COL19A1: variants seen among roughly 807,000 people sequenced by gnomAD.
COL19A1 encodes the protein collagen alpha-1(XIX) chain.
COL19A1 carries 159 observed loss-of-function variants against 190.2 expected under a neutral mutation model. The observed-to-expected ratio is 0.84, with a 90% CI of 0.73 to 0.95. The LOEUF (loss-of-function observed/expected upper bound fraction) is 0.95. Ranked by LOEUF, COL19A1 falls within the 40% of genes least tolerant of loss-of-function variation. COL19A1 has a pLI of 0.00. For synonymous variants in COL19A1, 509 were observed against 458.9 expected (o/e 1.11, Z -1.39); for missense variants, 1,418 against 1,431.9 (o/e 0.99, Z 0.16).
intron 11 of COL19A1, among the ~76,000 whole-genome samples, chr6:69,997,026 T>TAG (rs1554186399): frequency 0.034 from 4,964 of 146,932 alleles, 112 homozygotes; most frequent in South Asian, 0.05. Context: ...TATATATATA[T>TAG]AGAGAGAGAG....
At chr6:69,907,609 C>T (rs1770648953) in intron 4 of COL19A1, among the ~76,000 whole-genome samples, 1 of 152,024 alleles carries the variant, frequency 6.6e-6, no homozygotes, top group South Asian at 2.1e-4. Context: ...GCATATTTTC[C>T]AATATCTTCT....
intron 9 of COL19A1, among the ~76,000 whole-genome samples, chr6:69,947,853 A>G (rs985453591): frequency 2.6e-5 from 4 of 151,886 alleles, no homozygotes; most frequent in Non-Finnish European, 5.9e-5. Flanking sequence ...TCCTATAGGA[A>G]TGTAACTGTT....
intron 10 of COL19A1, among the ~76,000 whole-genome samples, chr6:69,961,418 G>A (rs889931157): frequency 6.6e-6 from 1 of 152,168 alleles, no homozygotes; most frequent in Non-Finnish European, 1.5e-5. Flanking sequence ...GCAAGCCAAG[G>A]GATGTGCAGA....
intron 11 of COL19A1, among the ~76,000 whole-genome samples, chr6:69,999,374 A>AT (rs879488118): frequency 6.6e-6 from 1 of 151,892 alleles, no homozygotes; most frequent in Admixed American, 6.6e-5. Context: ...CTACAAAAAA[A>AT]TTTTTTTTAA....
intron 7 of COL19A1, among the ~76,000 whole-genome samples, chr6:69,934,640 A>G (rs1376431955): frequency 6.6e-6 from 1 of 151,952 alleles, no homozygotes; most frequent in Non-Finnish European, 1.5e-5. Flanking sequence ...TTTAAATCAT[A>G]TTTTGAAAAG....
At chr6:70,016,376 A>AAC (rs1778091421) in intron 11 of COL19A1, among the ~76,000 whole-genome samples, 1 of 129,624 alleles carries the variant, frequency 7.7e-6, no homozygotes, top group African/African-American at 3.4e-5. Flanking sequence ...TAAAAAAAAA[A>AAC]AAAAAAAACA....
intron 1 of COL19A1, among the ~76,000 whole-genome samples, chr6:69,872,790 G>A (rs988794917): frequency 1.3e-5 from 2 of 152,176 alleles, no homozygotes; most frequent in African/African-American, 2.4e-5. Context: ...CATCAATGTT[G>A]TCTACTCAAG....
At chr6:70,129,479 A>C (rs762047511) in intron 17 of COL19A1, among the ~76,000 whole-genome samples, 1 of 152,242 alleles carries the variant, frequency 6.6e-6, no homozygotes, top group African/African-American at 2.4e-5. Flanking sequence ...AACAGCCATG[A>C]TAAGAGATGA....
intron 4 of COL19A1, among the ~76,000 whole-genome samples, chr6:69,916,645 A>G (rs1265409783): frequency 3.9e-5 from 6 of 152,238 alleles, no homozygotes; most frequent in Non-Finnish European, 2.9e-5. Flanking sequence ...AGCCCAAAAT[A>G]TGATTCATTG....
At chr6:69,943,833 G>T (rs1455544035) in intron 9 of COL19A1, among the ~76,000 whole-genome samples, 1 of 152,086 alleles carries the variant, frequency 6.6e-6, no homozygotes, top group East Asian at 1.9e-4. Flanking sequence ...AGAGAAAAAT[G>T]TTACTCTTAT....
intron 17 of COL19A1, 23 bp downstream of exon 17, chr6:70,121,965 AT>A: frequency 6.9e-7 from 1 of 1,441,260 alleles, no homozygotes; most frequent in Non-Finnish European, 9.5e-7. Context: ...TTTTCCCATA[AT>A]TTATAATACA....
intron 11 of COL19A1, among the ~76,000 whole-genome samples, chr6:69,989,681 C>G (rs1414501653): frequency 6.6e-6 from 1 of 151,172 alleles, no homozygotes; most frequent in Non-Finnish European, 1.5e-5. Flanking sequence ...CTAGATCCTA[C>G]CTAAAACATG....
chr6:70,003,365 T>C (rs1347588402), intron 11 of COL19A1, among the ~76,000 whole-genome samples: 1 of 152,006 alleles, frequency 6.6e-6, no homozygotes, highest in East Asian at 1.9e-4. Context: ...GGGTGGGGAG[T>C]TCTGTAGATA....
chr6:69,904,834 T>G (rs1054785688), intron 4 of COL19A1, among the ~76,000 whole-genome samples: 1 of 152,210 alleles, frequency 6.6e-6, no homozygotes, highest in Non-Finnish European at 1.5e-5. Context: ...CTACAAGCTG[T>G]GCACTTGGGT....
chr6:69,970,779 A>G (rs1775382542), intron 11 of COL19A1, among the ~76,000 whole-genome samples: 1 of 152,174 alleles, frequency 6.6e-6, no homozygotes, highest in African/African-American at 2.4e-5. Flanking sequence ...AACTTCTACA[A>G]TTTTTAGGAA....
intron 44 of COL19A1, among the ~76,000 whole-genome samples, chr6:70,181,412 C>T (rs778650657): frequency 6.6e-6 from 1 of 152,058 alleles, no homozygotes; most frequent in South Asian, 2.1e-4. Context: ...GAAAGCATTT[C>T]CAGTGCCTGG....
At chr6:70,205,199 A>G (rs1324694587) in intron 49 of COL19A1, among the ~76,000 whole-genome samples, 2 of 152,052 alleles carry the variant, frequency 1.3e-5, no homozygotes, top group Non-Finnish European at 2.9e-5. Context: ...TCTTTTTTCC[A>G]CTAGTTTCAC....
chr6:70,164,824 A>G (rs575288133), intron 36 of COL19A1, among the ~76,000 whole-genome samples: 26 of 152,338 alleles, frequency 1.7e-4, no homozygotes, highest in African/African-American at 6.0e-4. Flanking sequence ...GCCACATCAA[A>G]GCAGTTTGGG....
chr6:69,943,468 C>A (rs1469182816), intron 9 of COL19A1, among the ~76,000 whole-genome samples: 1 of 152,068 alleles, frequency 6.6e-6, no homozygotes, highest in African/African-American at 2.4e-5. Flanking sequence ...GTTGTAGCCA[C>A]AAAATCTTTG....
Sources: allele counts gnomAD v4.1 joint callset (sites outside exome capture counted in the v4.1 genomes callset), GRCh38; gene constraint gnomAD v4.1.1; transcripts MANE v1.5; gene names NCBI Gene and HGNC (gene_info 2026-07-23, HGNC 2026-07-21).